TMEM116: variants seen among roughly 807,000 people sequenced by gnomAD.
TMEM116 encodes transmembrane protein 116.
TMEM116 carries 38 observed loss-of-function variants against 44.3 expected under a neutral mutation model. The observed-to-expected ratio is 0.86, with a 90% CI of 0.66 to 1.12. The LOEUF (loss-of-function observed/expected upper bound fraction) is 1.12, where lower values mean the gene tolerates loss of function less well. TMEM116 is among the 50% of genes most tolerant of loss of function. TMEM116 has a pLI of 0.00. For missense variants in TMEM116, 354 were observed against 401.7 expected, an observed-to-expected ratio of 0.88 and a Z score of 1.01; for synonymous variants, 132 against 144.8, an observed-to-expected ratio of 0.91 and a Z score of 0.64.
At position 111,991,787 on chromosome 12, in the gene TMEM116, T is replaced by G. The variant is rs2076618336; in HGVS notation, c.181A>C (p.Ile61Leu). The G allele has an allele frequency of 6.5e-6, 10 of 1,535,498 alleles. No homozygotes were observed. The Admixed American group carries it at 2.0e-4, about 30-fold the overall frequency. ...CCAACTGCTTGTAGGTTATAGCAGA[T>G]GATGTCCTTATTTGCTACTGAAGCT... ...YGASVANKDI[I>L]CYNLQAVGQI... The change falls in exon 4 of 11, where the codon ATC becomes CTC. Residue 61 changes from isoleucine to leucine, a missense_variant. Physicochemically the swap from Ile to Leu is conservative, Grantham distance 5. Coordinates refer to ENST00000552374, the MANE Select transcript of TMEM116 (RefSeq NM_001193531.2).
In TMEM116 at chr12:111,938,211, C is replaced by T; in HGVS notation, c.316-1G>A. ...AAACTCGACAAGTATAATCTATCAC[C>T]TGTGAAAAGAATAAATGTGAGAAAT... On this transcript the variant is annotated splice_acceptor_variant, in intron 5 of 10. Transcript: ENST00000552374. LOFTEE classifies it high-confidence loss of function. The T allele has an allele frequency of 6.3e-7, 1 of 1,576,910 alleles. No homozygotes were observed. Among genetic ancestry groups the T allele is most frequent in the Non-Finnish European group, 8.6e-7 (1 of 1,163,846 alleles).
At chr12:111,991,499 G>C (rs897517913) in intron 4 of TMEM116, among the ~76,000 whole-genome samples, 2 of 150,246 alleles carry the variant, frequency 1.3e-5, no homozygotes. Flanking sequence ...ACTCCAGCCT[G>C]GTGACAGACC....
chr12:111,968,992 C>CAAAAAAAAAAAAAAAAAAA (rs1176204219), intron 4 of TMEM116, among the ~76,000 whole-genome samples: 19 of 45,070 alleles, frequency 4.2e-4, no homozygotes, highest in Non-Finnish European at 5.8e-4. Flanking sequence ...GACTCTATCT[C>CAAAAAAAAAAAAAAAAAAA]AAAAAAAAAA....
chr12:111,962,591 T>C (rs1381397377), intron 4 of TMEM116, among the ~76,000 whole-genome samples: 3 of 152,024 alleles, frequency 2.0e-5, no homozygotes, highest in Non-Finnish European at 2.9e-5. Context: ...ATAAATGGCG[T>C]TGGAAAAACT....
rs546827040 is a variant in TMEM116, at chr12:111,994,565, G to A, written c.79-2676C>T. On this transcript the variant is annotated intron_variant, in intron 3 of 10. Transcript: ENST00000552374. The stretch of plus-strand genomic sequence containing the variant: ...TTAGGGGGTCATTTGATTATGAGGT[G>A]AGATGATCACATGGGGATGAAGTAA... Among the ~76,000 whole-genome samples the A allele has an allele frequency of 2.6e-5, 4 of 152,292 alleles. No homozygotes were observed. The South Asian group carries it at 8.3e-4, about 32-fold the overall frequency.
At chr12:111,991,089 C>T (rs539473403) in intron 4 of TMEM116, among the ~76,000 whole-genome samples, 3 of 151,326 alleles carry the variant, frequency 2.0e-5, no homozygotes, top group African/African-American at 4.9e-5. Context: ...CCTGGTGGCA[C>T]GCGCCTGTAG....
At chr12:111,980,212 C>G (rs1383019229) in intron 4 of TMEM116, among the ~76,000 whole-genome samples, 1 of 152,088 alleles carries the variant, frequency 6.6e-6, no homozygotes, top group African/African-American at 2.4e-5. Flanking sequence ...TTTTAAAAAA[C>G]TGTGATAAAC....
At chr12:111,933,499 T>G (rs1459921162) in intron 9 of TMEM116, among the ~76,000 whole-genome samples, 1 of 149,764 alleles carries the variant, frequency 6.7e-6, no homozygotes, top group African/African-American at 2.5e-5. Flanking sequence ...CTTTTTTTTT[T>G]TTTTTTTGAG....
chr12:111,996,135 G>T (rs1332435430), intron 3 of TMEM116, among the ~76,000 whole-genome samples: 1 of 150,016 alleles, frequency 6.7e-6, no homozygotes, highest in Non-Finnish European at 1.5e-5. Flanking sequence ...CATTCTATAG[G>T]AGAATGTCTT....
chr12:111,933,926 C>T lies in TMEM116; in HGVS notation c.693G>A (p.Val231=), dbSNP rs1296695495. ...AAAAGAAGGCCACTGGGTAGAAGCG[C>T]ACCCGTTGGTCCACAATGTGAATCA... ...WAVIHIVDQR[V]RFYPVAFFCC... The change falls in exon 9 of 11, where the codon GTG becomes GTA. Residue 231 remains valine (V), a synonymous_variant. Coordinates refer to ENST00000552374, the MANE Select transcript of TMEM116 (RefSeq NM_001193531.2). 4.3e-6 allele frequency: 7 copies of T among 1,614,006 alleles called. No individual in the cohort carries two copies. The highest frequency in any genetic ancestry group is 2.2e-5 in the East Asian group (1 of 44,896).
intron 4 of TMEM116, among the ~76,000 whole-genome samples, chr12:111,950,696 G>T (rs889836374): frequency 2.6e-5 from 4 of 152,058 alleles, no homozygotes; most frequent in African/African-American, 9.7e-5. Context: ...ATGGATTAAA[G>T]ACTTAAATGT....
chr12:111,975,241 C>G (rs2075602043), intron 4 of TMEM116, among the ~76,000 whole-genome samples: 2 of 152,348 alleles, frequency 1.3e-5, no homozygotes, highest in South Asian at 4.1e-4. Flanking sequence ...ACCTCCTGGG[C>G]TTATGCAATC....
intron 5 of TMEM116, 61 bp from the exon 6 acceptor site, chr12:111,938,271 A>T: frequency 7.8e-7 from 1 of 1,274,914 alleles, no homozygotes. Flanking sequence ...AATAATAAAT[A>T]CCAGATCATC....
At position 111,937,263 on chromosome 12, in the gene TMEM116, T is replaced by A. The variant is rs752083613; in HGVS notation, c.366-20A>T. The A allele has an allele frequency of 1.3e-6, 2 of 1,590,086 alleles. No individual in the cohort carries two copies. The highest frequency in any genetic ancestry group is 1.7e-6 in the Non-Finnish European group (2 of 1,158,590). On this transcript the variant is annotated intron_variant, in intron 6 of 10. Coordinates refer to ENST00000552374, the MANE Select transcript of TMEM116 (RefSeq NM_001193531.2). ...ATCAGGCTGGGAGGGAAAAAAAGTATCACCCTAATATCCACTCTTTTTCAT... is the reference window on the plus strand; with the variant it reads ...ATCAGGCTGGGAGGGAAAAAAAGTAACACCCTAATATCCACTCTTTTTCAT...
chr12:111,958,056 A>C (rs900030140), intron 4 of TMEM116, among the ~76,000 whole-genome samples: 8 of 152,120 alleles, frequency 5.3e-5, no homozygotes, highest in South Asian at 2.1e-4. Flanking sequence ...GTGCTTTGTT[A>C]AACAGATGCT....
At chr12:112,009,501 A>G (rs568375955) in intron 1 of TMEM116, among the ~76,000 whole-genome samples, 2 of 151,902 alleles carry the variant, frequency 1.3e-5, no homozygotes, top group African/African-American at 4.8e-5. Flanking sequence ...AACAATTAGA[A>G]AAAAAGTAAC....
chr12:112,002,442 G>A (rs2077307891), intron 3 of TMEM116, among the ~76,000 whole-genome samples: 1 of 149,638 alleles, frequency 6.7e-6, no homozygotes, highest in South Asian at 2.1e-4. Flanking sequence ...GCAGTTACCT[G>A]TAATCCCAGC....
chr12:111,931,787 A>C lies in TMEM116; in HGVS notation c.848T>G (p.Val283Gly), dbSNP rs750831853. 8.2e-6 allele frequency: 13 copies of C among 1,582,616 alleles called. No individual in the cohort carries two copies. Among genetic ancestry groups the C allele is most frequent in the Non-Finnish European group, 1.1e-5 (13 of 1,165,680 alleles). Residue 283 changes from valine to glycine, a missense_variant, in exon 11 of 11, where the codon GTA (valine) becomes GGA (glycine). Physicochemically the swap from Val to Gly is moderately radical, Grantham distance 109. Transcript: ENST00000552374. ...GAATTTGTGCTGCGTCCAGCCATAT[A>C]CTCCACAGTTGAGTAGACCCTGAGA... Reference protein sequence around the residue: ...ATSQGLLNCGVYGWTQHKFHQ... With the variant: ...ATSQGLLNCGGYGWTQHKFHQ...
chr12:111,949,192 C>T lies in TMEM116; in HGVS notation c.211-5823G>A, dbSNP rs570300102. Among the ~76,000 whole-genome samples, 7 of 151,966 alleles carry T rather than the reference C, an allele frequency of 4.6e-5. No individual in the cohort carries two copies. In the South Asian group the frequency reaches 1.5e-3, roughly 32 times the overall value. ...TCTCTTAAGCTATCTACAGTTTACA[C>T]TAATTTGATAAAATATGCTTTTATA... On this transcript the variant is annotated intron_variant, in intron 4 of 10. Coordinates refer to ENST00000552374, the MANE Select transcript of TMEM116 (RefSeq NM_001193531.2).
Sources: gnomAD v4.1 joint callset for allele counts (sites outside exome capture counted in the v4.1 genomes callset) on GRCh38, gnomAD v4.1.1 for gene constraint, MANE v1.5 for transcripts, NCBI Gene and HGNC (gene_info 2026-07-23, HGNC 2026-07-21) for gene names.